The following ADCY2 variants were observed in gnomAD, a reference collection of about 807,000 sequenced individuals.
The protein encoded by ADCY2 is adenylate cyclase 2, also known as adenylate cyclase type 2.
In ADCY2, 31 loss-of-function variants were observed where a neutral mutation model predicts 125.2. That is an observed-to-expected ratio of 0.25 (90% CI 0.19 to 0.33). The LOEUF is 0.33. ADCY2 is among the 10% of genes least tolerant of loss of function. ADCY2 has a pLI of 1.00. For synonymous variants in ADCY2, 512 were observed against 548.4 expected, an observed-to-expected ratio of 0.93 and a Z score of 0.93; for missense variants, 904 against 1,418.2, an observed-to-expected ratio of 0.64 and a Z score of 5.82.
At chr5:7,673,116 A>G (rs141128268) in intron 4 of ADCY2, among the ~76,000 whole-genome samples, 2 of 150,630 alleles carry the variant, frequency 1.3e-5, no homozygotes, top group East Asian at 1.9e-4. Context: ...TATAAACTTA[A>G]CAATGGTTGG....
At chr5:7,799,094 G>A (rs1417310739) in intron 20 of ADCY2, 3 of 152,252 alleles carry the variant, frequency 2.0e-5, no homozygotes, top group Non-Finnish European at 4.4e-5. Context: ...ACATGTGAAT[G>A]AATGTTGAGG....
At chr5:7,445,881 T>C (rs1741232305) in intron 2 of ADCY2, among the ~76,000 whole-genome samples, 1 of 152,234 alleles carries the variant, frequency 6.6e-6, no homozygotes, top group Non-Finnish European at 1.5e-5. Flanking sequence ...AACAGTCTTT[T>C]AATGCACTTT....
chr5:7,653,606 TAA>T (rs1201964121), intron 4 of ADCY2, among the ~76,000 whole-genome samples: 2 of 140,854 alleles, frequency 1.4e-5, no homozygotes, highest in African/African-American at 2.6e-5. Context: ...GACTCTGTCT[TAA>T]AAAAAAAAAA....
At position 7,690,695 on chromosome 5, in the gene ADCY2, G is replaced by A; in HGVS notation, c.725G>A (p.Arg242Gln). The change falls in exon 5 of 25, where the codon CGG (arginine) becomes CAG (glutamine). Residue 242 changes from arginine to glutamine, a missense_variant. Around this residue, in one of 7 missense-constraint regions of ADCY2, gnomAD observed 117 missense variants for 248.0 expected, o/e 0.47. Coordinates refer to ENST00000338316, the MANE Select transcript of ADCY2 (RefSeq NM_020546.3). ...KLEFEKRQQERLLLSLLPAHI... is the reference protein window; with the variant it reads ...KLEFEKRQQEQLLLSLLPAHI... ...CTCCTTCCCCACCTTGTCCAGGAGC[G>A]GCTTCTGCTCTCCCTGCTGCCGGCC... is the stretch of plus-strand genomic sequence containing the variant. 3.2e-6 allele frequency: 5 copies of A among 1,579,488 alleles called. No individual in the cohort carries two copies. Among genetic ancestry groups the A allele is most frequent in the Non-Finnish European group, 4.3e-6 (5 of 1,165,232 alleles).
At chr5:7,724,455 G>T in intron 12 of ADCY2, 90 bp from the exon 13 acceptor site, 111 of 846,208 alleles carry the variant, frequency 1.3e-4, no homozygotes, top group Non-Finnish European at 1.9e-4. Context: ...ACACAATAAA[G>T]AAAGAAGATC....
At chr5:7,557,687 A>G (rs956088320) in intron 3 of ADCY2, among the ~76,000 whole-genome samples, 4 of 152,182 alleles carry the variant, frequency 2.6e-5, no homozygotes, top group Non-Finnish European at 5.9e-5. Flanking sequence ...CTGTCCCTGC[A>G]TAAGGACACG....
chr5:7,566,087 G>A lies in ADCY2; in HGVS notation c.570+45188G>A, dbSNP rs76018663. ...AAACGGCTACACAGATGTTTATCAG[G>A]GAGGAAGAACTTGGGTTCAGCAAGG... On this transcript the variant is annotated intron_variant, in intron 3 of 24. Coordinates refer to ENST00000338316, the MANE Select transcript of ADCY2 (RefSeq NM_020546.3). Among the ~76,000 whole-genome samples, 309 of 152,276 alleles carry A rather than the reference G, an allele frequency of 2.0e-3. 1 individual carries two copies. Among genetic ancestry groups the A allele is most frequent in the Middle Eastern group, 6.8e-3 (2 of 294 alleles).
intron 16 of ADCY2, among the ~76,000 whole-genome samples, chr5:7,763,374 A>C (rs905390282): frequency 7.9e-5 from 12 of 151,946 alleles, no homozygotes; most frequent in Non-Finnish European, 1.8e-4. Context: ...GACAGGCGTG[A>C]GCCACCGCGC....
chr5:7,715,771 A>G (rs1017636595), intron 11 of ADCY2, among the ~76,000 whole-genome samples: 2 of 152,216 alleles, frequency 1.3e-5, no homozygotes, highest in Non-Finnish European at 2.9e-5. Flanking sequence ...GGAATTGGAA[A>G]ACTCATCCAT....
At chr5:7,607,140 ATC>A (rs1561122219) in intron 3 of ADCY2, among the ~76,000 whole-genome samples, 1 of 152,158 alleles carries the variant, frequency 6.6e-6, no homozygotes, top group Non-Finnish European at 1.5e-5. Context: ...TGAGTTGCTC[ATC>A]TCTCTTTCCT....
At chr5:7,683,952 C>G (rs1561165241) in intron 4 of ADCY2, among the ~76,000 whole-genome samples, 1 of 152,242 alleles carries the variant, frequency 6.6e-6, no homozygotes, top group African/African-American at 2.4e-5. Flanking sequence ...GCTGGCGCCA[C>G]CACCTGGCTG....
At chr5:7,466,294 A>G (rs1017049556) in intron 2 of ADCY2, among the ~76,000 whole-genome samples, 2 of 151,980 alleles carry the variant, frequency 1.3e-5, no homozygotes, top group African/African-American at 4.8e-5. Flanking sequence ...TATTATTTTT[A>G]TTTTTATTCA....
chr5:7,463,257 A>G (rs1167979686), intron 2 of ADCY2, among the ~76,000 whole-genome samples: 2 of 152,198 alleles, frequency 1.3e-5, no homozygotes, highest in South Asian at 4.1e-4. Context: ...TCATGCTATC[A>G]TTGTGTCTCT....
chr5:7,599,646 A>G (rs1324427741), intron 3 of ADCY2, among the ~76,000 whole-genome samples: 1 of 152,156 alleles, frequency 6.6e-6, no homozygotes, highest in East Asian at 1.9e-4. Context: ...GGGGGATTGT[A>G]TCAACCATGG....
intron 11 of ADCY2, among the ~76,000 whole-genome samples, chr5:7,715,186 GT>G (rs760001391): frequency 7.2e-5 from 11 of 152,170 alleles, no homozygotes; most frequent in Non-Finnish European, 1.3e-4. Context: ...AAGAATTATT[GT>G]CCGGATAATT....
At chr5:7,815,094 G>C (rs1185999643) in intron 22 of ADCY2, among the ~76,000 whole-genome samples, 2 of 152,154 alleles carry the variant, frequency 1.3e-5, no homozygotes, top group African/African-American at 4.8e-5. Context: ...ATGCACAGCG[G>C]TCAGCTTTGA....
At chr5:7,549,035 AAG>A (rs1024241842) in intron 3 of ADCY2, among the ~76,000 whole-genome samples, 2 of 152,134 alleles carry the variant, frequency 1.3e-5, no homozygotes, top group Non-Finnish European at 2.9e-5. Flanking sequence ...ACAAGTTAGA[AAG>A]ACATTCATGA....
chr5:7,697,259 CAG>C (rs1048492825), intron 6 of ADCY2, among the ~76,000 whole-genome samples: 2 of 152,096 alleles, frequency 1.3e-5, no homozygotes, highest in African/African-American at 4.8e-5. Context: ...TTACCCATAA[CAG>C]AAGTACTCAA....
At chr5:7,606,781 C>T (rs1276370644) in intron 3 of ADCY2, among the ~76,000 whole-genome samples, 1 of 152,024 alleles carries the variant, frequency 6.6e-6, no homozygotes, top group Non-Finnish European at 1.5e-5. Context: ...TATTTGCTTT[C>T]GGAATGAAAG....
Sources: allele counts gnomAD v4.1 joint callset (sites outside exome capture counted in the v4.1 genomes callset), GRCh38; gene constraint gnomAD v4.1.1; regional missense constraint gnomAD v4.1.1; transcripts MANE v1.5; gene names NCBI Gene and HGNC (gene_info 2026-07-23, HGNC 2026-07-21).